The following LRP1B variants were observed in gnomAD, a reference collection of about 807,000 sequenced individuals.
The protein encoded by LRP1B is low-density lipoprotein receptor-related protein 1B.
LRP1B carries 217 observed loss-of-function variants against 556.6 expected under a neutral mutation model. The observed-to-expected ratio is 0.39, with a 90% CI of 0.35 to 0.44. The LOEUF (loss-of-function observed/expected upper bound fraction) is 0.44, where lower values mean the gene tolerates loss of function less well. Among genes scored for constraint, LRP1B ranks in the 20% least tolerant of loss-of-function variants. The probability of loss-of-function intolerance (pLI) is 1.00; values close to 1 mark genes in which losing one functional copy is unlikely to be tolerated. For synonymous variants in LRP1B, 2,047 were observed against 1,865.8 expected, an observed-to-expected ratio of 1.10 and a Z score of -2.50; for missense variants, 5,053 against 5,620.8, an observed-to-expected ratio of 0.90 and a Z score of 3.23.
intron 25 of LRP1B, among the ~76,000 whole-genome samples, chr2:140,874,624 C>CTT (rs70991114): frequency 6.7e-5 from 10 of 149,004 alleles, no homozygotes; most frequent in Non-Finnish European, 1.2e-4. Context: ...ATTAATTTTT[C>CTT]TTTTTTTTTT....
At chr2:141,684,616 A>T (rs1312703419) in intron 2 of LRP1B, among the ~76,000 whole-genome samples, 1 of 152,046 alleles carries the variant, frequency 6.6e-6, no homozygotes, top group Non-Finnish European at 1.5e-5. Flanking sequence ...AAGAAAAAAA[A>T]ATTGAACAGC....
chr2:141,840,544 A>G (rs1697433943), intron 1 of LRP1B, among the ~76,000 whole-genome samples: 1 of 152,150 alleles, frequency 6.6e-6, no homozygotes, highest in South Asian at 2.1e-4. Context: ...GGTGAGAGCC[A>G]CCACGCCCGG....
At chr2:140,767,472 T>A (rs951884834) in intron 35 of LRP1B, among the ~76,000 whole-genome samples, 1 of 151,908 alleles carries the variant, frequency 6.6e-6, no homozygotes, top group African/African-American at 2.4e-5. Flanking sequence ...CAAATAAACA[T>A]ATCCTCCATC....
chr2:141,567,957 T>G (rs994892744), intron 2 of LRP1B, among the ~76,000 whole-genome samples: 4 of 150,184 alleles, frequency 2.7e-5, no homozygotes, highest in Admixed American at 6.7e-5. Flanking sequence ...TCCAAATTTG[T>G]GCCTGATATT....
intron 63 of LRP1B, among the ~76,000 whole-genome samples, chr2:140,445,362 C>T (rs1301859353): frequency 6.6e-6 from 1 of 151,966 alleles, no homozygotes; most frequent in Non-Finnish European, 1.5e-5. Flanking sequence ...GCTGATCTGC[C>T]CCCCTCGGGC....
chr2:141,879,066 C>T lies in LRP1B; in HGVS notation c.83-68665G>A, dbSNP rs1698867655. 2.0e-5 allele frequency among the ~76,000 whole-genome samples: 3 copies of T among 151,830 alleles called. No homozygotes were observed. In the South Asian group the frequency reaches 6.2e-4, roughly 31 times the overall value. ...AAATTATAAAAGAATTCTAAAGACA[C>T]ATTCAGTTCTTTCAATATAATTATG... On this transcript the variant is annotated intron_variant, in intron 1 of 90. Transcript: ENST00000389484.
chr2:141,905,791 G>GTGTGTGTT (rs1699740205), intron 1 of LRP1B, among the ~76,000 whole-genome samples: 1 of 150,876 alleles, frequency 6.6e-6, no homozygotes, highest in Non-Finnish European at 1.5e-5. Context: ...GTGTGTGTGT[G>GTGTGTGTT]TGTGTGTGTG....
intron 1 of LRP1B, among the ~76,000 whole-genome samples, chr2:141,883,763 A>G (rs1699027599): frequency 1.3e-5 from 2 of 152,120 alleles, no homozygotes; most frequent in South Asian, 4.1e-4. Context: ...TATGATGATG[A>G]TATGATGAAA....
chr2:140,965,403 G>A (rs1696175780), intron 18 of LRP1B, among the ~76,000 whole-genome samples: 1 of 151,728 alleles, frequency 6.6e-6, no homozygotes, highest in Non-Finnish European at 1.5e-5. Context: ...CATGGAGGAT[G>A]AGCAAAATAG....
chr2:141,082,075 T>C (rs1699936734), intron 7 of LRP1B, among the ~76,000 whole-genome samples: 1 of 152,116 alleles, frequency 6.6e-6, no homozygotes, highest in East Asian at 1.9e-4. Flanking sequence ...AAAGGAACAG[T>C]TCTCTGTGTG....
At chr2:141,126,766 A>G (rs1701223536) in intron 7 of LRP1B, among the ~76,000 whole-genome samples, 1 of 152,146 alleles carries the variant, frequency 6.6e-6, no homozygotes, top group African/African-American at 2.4e-5. Flanking sequence ...AAAGAATCCC[A>G]TTCTATGAAC....
At chr2:141,525,776 A>G (rs984223531) in intron 2 of LRP1B, among the ~76,000 whole-genome samples, 3 of 152,142 alleles carry the variant, frequency 2.0e-5, no homozygotes, top group Admixed American at 6.6e-5. Context: ...AGGGCTCCCA[A>G]TTAAAATACA....
In LRP1B at chr2:141,982,877, TTC is replaced by T. The variant is rs778832456; in HGVS notation, c.82+147769_82+147770del. Among the ~76,000 whole-genome samples the T allele has an allele frequency of 5.3e-4, 81 of 152,324 alleles. No homozygotes were observed. The East Asian group carries it at 0.015, about 29-fold the overall frequency. ...TAGTATTTGAAAAGGAGCATCCATT[TTC>T]TTTTATGCTAAACAAGCTTTACATT... On this transcript the variant is annotated intron_variant, in intron 1 of 90. Coordinates refer to ENST00000389484, the MANE Select transcript of LRP1B (RefSeq NM_018557.3).
chr2:141,678,583 T>C (rs1190532362), intron 2 of LRP1B, among the ~76,000 whole-genome samples: 1 of 152,080 alleles, frequency 6.6e-6, no homozygotes, highest in Admixed American at 6.6e-5. Context: ...AGAAAGTATA[T>C]CAAATTCAAG....
intron 11 of LRP1B, among the ~76,000 whole-genome samples, chr2:141,041,881 A>C (rs1445446294): frequency 6.6e-6 from 1 of 152,096 alleles, no homozygotes; most frequent in African/African-American, 2.4e-5. Context: ...ATGTGTCAAC[A>C]AATTTTTTTT....
intron 2 of LRP1B, among the ~76,000 whole-genome samples, chr2:141,699,372 T>C (rs564644281): frequency 1.4e-4 from 22 of 151,984 alleles, no homozygotes; most frequent in Non-Finnish European, 2.9e-4. Context: ...TTAGATGCTA[T>C]AGATGTCTAT....
intron 11 of LRP1B, among the ~76,000 whole-genome samples, chr2:141,029,663 G>A (rs963800947): frequency 2.0e-5 from 3 of 152,114 alleles, no homozygotes; most frequent in East Asian, 1.9e-4. Flanking sequence ...CTATCATGTC[G>A]CTCCCTGAGA....
intron 83 of LRP1B, among the ~76,000 whole-genome samples, chr2:140,311,122 C>T (rs1394942162): frequency 6.6e-6 from 1 of 151,760 alleles, no homozygotes; most frequent in Non-Finnish European, 1.5e-5. Flanking sequence ...ATGGAGATTT[C>T]TCAGATAGCT....
intron 2 of LRP1B, among the ~76,000 whole-genome samples, chr2:141,723,452 C>A (rs1425471367): frequency 6.6e-6 from 1 of 151,250 alleles, no homozygotes; most frequent in Admixed American, 6.6e-5. Flanking sequence ...TCTTTGGGTT[C>A]ATTAGGGTAT....
Sources: allele counts gnomAD v4.1 joint callset (sites outside exome capture counted in the v4.1 genomes callset), GRCh38; gene constraint gnomAD v4.1.1; transcripts MANE v1.5; gene names NCBI Gene and HGNC (gene_info 2026-07-23, HGNC 2026-07-21).